The following SH3PXD2A variants were observed in gnomAD, a reference collection of about 807,000 sequenced individuals.
The protein encoded by SH3PXD2A is SH3 and PX domain-containing protein 2A.
SH3PXD2A carries 32 observed loss-of-function variants against 115.2 expected under a neutral mutation model. The observed-to-expected ratio is 0.28, with a 90% CI of 0.21 to 0.37. The LOEUF is 0.37. Among genes scored for constraint, SH3PXD2A ranks in the 10% least tolerant of loss-of-function variants. The pLI is 1.00. For synonymous variants in SH3PXD2A, 610 were observed against 629.1 expected (o/e 0.97, Z 0.45); for missense variants, 1,328 against 1,498.7 (o/e 0.89, Z 1.88).
chr10:103,733,995 G>T (rs1483486379), intron 4 of SH3PXD2A, among the ~76,000 whole-genome samples: 2 of 152,000 alleles, frequency 1.3e-5, no homozygotes, highest in Admixed American at 6.6e-5. Flanking sequence ...GGCCTCAAGT[G>T]CTCCTCCTGC....
At chr10:103,790,947 T>G (rs1391144964) in intron 2 of SH3PXD2A, among the ~76,000 whole-genome samples, 1 of 152,238 alleles carries the variant, frequency 6.6e-6, no homozygotes, top group Non-Finnish European at 1.5e-5. Context: ...GACAAACATG[T>G]ACCTCCCATA....
chr10:103,823,125 AT>A (rs1345026284), intron 1 of SH3PXD2A, among the ~76,000 whole-genome samples: 1 of 152,198 alleles, frequency 6.6e-6, no homozygotes, highest in Non-Finnish European at 1.5e-5. Context: ...GTGTCAAGTT[AT>A]ATGTTCAAAG....
At chr10:103,791,057 G>C (rs1228075852) in intron 2 of SH3PXD2A, among the ~76,000 whole-genome samples, 2 of 152,214 alleles carry the variant, frequency 1.3e-5, no homozygotes, top group Admixed American at 1.3e-4. Context: ...AAGGCTCCTA[G>C]CACTCACACT....
Position 103,702,241 on chromosome 10 carries a change from T to G in SH3PXD2A, c.399-9185A>C, listed in dbSNP as rs867889371. Among the ~76,000 whole-genome samples, 96 of 152,390 alleles carry G rather than the reference T, an allele frequency of 6.3e-4. 1 individual carries two copies. Among genetic ancestry groups the G allele is most frequent in the Middle Eastern group, 6.8e-3 (2 of 294 alleles). On this transcript the variant is annotated intron_variant, in intron 5 of 14. Transcript: ENST00000369774. ...AAGGTCTGTTGTAGACCCAGTCTTGTGTATGAAGTAAGAGAGTGGCAGAAG... is the reference window on the plus strand; with the variant it reads ...AAGGTCTGTTGTAGACCCAGTCTTGGGTATGAAGTAAGAGAGTGGCAGAAG...
At chr10:103,724,443 C>T in intron 4 of SH3PXD2A, 82 bp from the exon 5 acceptor site, 1 of 763,008 alleles carries the variant, frequency 1.3e-6, no homozygotes. Context: ...CTTACACCAA[C>T]AGTGACAGAG....
At chr10:103,737,249 C>A (rs2038391114) in intron 3 of SH3PXD2A, among the ~76,000 whole-genome samples, 1 of 152,158 alleles carries the variant, frequency 6.6e-6, no homozygotes, top group Admixed American at 6.5e-5. Flanking sequence ...TAAAACAATA[C>A]CATTTTCTTT....
intron 1 of SH3PXD2A, among the ~76,000 whole-genome samples, chr10:103,842,818 G>A (rs915329363): frequency 1.3e-5 from 2 of 152,160 alleles, no homozygotes; most frequent in South Asian, 4.1e-4. Flanking sequence ...TGTTCCCAGC[G>A]CTTGACACAT....
chr10:103,605,902 T>C lies in SH3PXD2A; in HGVS notation c.1324A>G (p.Lys442Glu). 6.2e-7 allele frequency: 1 copy of C among 1,614,088 alleles called. No homozygotes were observed. Among genetic ancestry groups the C allele is most frequent in the East Asian group, 2.2e-5 (1 of 44,872 alleles). The part of the protein sequence containing the change: ...RESSLGFQLP[K>E]PPEPPSVEVE... ...TCAACAGAAGGGGGCTCTGGTGGCT[T>C]TGGCAGTTGGAACCCCTAAGGTTAA... The change falls in exon 14 of 15, where the codon AAG becomes GAG. Residue 442 changes from lysine to glutamate, a missense_variant. Around this residue, in one of 5 missense-constraint regions of SH3PXD2A, gnomAD observed 509 missense variants for 628.3 expected, o/e 0.81. Transcript: ENST00000369774.
intron 8 of SH3PXD2A, among the ~76,000 whole-genome samples, chr10:103,636,545 G>T (rs976659171): frequency 6.6e-6 from 1 of 152,136 alleles, no homozygotes. Flanking sequence ...GACTCTCCAG[G>T]AATGGGGGAG....
At chr10:103,824,100 T>C (rs1055024204) in intron 1 of SH3PXD2A, among the ~76,000 whole-genome samples, 1 of 152,178 alleles carries the variant, frequency 6.6e-6, no homozygotes, top group Non-Finnish European at 1.5e-5. Context: ...GTGCCTGACC[T>C]GGCACTCCCC....
At chr10:103,815,698 G>T (rs2039317302) in intron 1 of SH3PXD2A, among the ~76,000 whole-genome samples, 2 of 151,554 alleles carry the variant, frequency 1.3e-5, no homozygotes, top group African/African-American at 4.8e-5. Flanking sequence ...AGACCAGCCT[G>T]ACCAACATGG....
chr10:103,674,099 C>T (rs1174074638), intron 6 of SH3PXD2A, among the ~76,000 whole-genome samples: 3 of 152,206 alleles, frequency 2.0e-5, no homozygotes, highest in African/African-American at 7.2e-5. Flanking sequence ...TTTCCTCTCC[C>T]ATACAACTAA....
rs1047544508 is a variant in SH3PXD2A, at chr10:103,662,440, C to G, written c.473-1326G>C. Among the ~76,000 whole-genome samples, 8 of 130,344 alleles carry G rather than the reference C, an allele frequency of 6.1e-5. No individual in the cohort carries two copies. The South Asian group carries it at 7.0e-4, about 11-fold the overall frequency. The allele number at this position is 130,344 out of a possible 152,430, so 85.5% of individuals were successfully genotyped here. A position where few individuals can be genotyped will look rare whatever the true frequency, so the allele number is the denominator to read the frequency against. Reference sequence around the variant, plus strand: ...CGGAGTCTCGCTCTGTCGCCCAGGCCGGACTGCGGACTGCAGTGGCGCAAT... The same window carrying G: ...CGGAGTCTCGCTCTGTCGCCCAGGCGGGACTGCGGACTGCAGTGGCGCAAT... On this transcript the variant is annotated intron_variant, in intron 7 of 14. Transcript: ENST00000369774.
At chr10:103,775,044 C>G (rs2038864795) in intron 2 of SH3PXD2A, among the ~76,000 whole-genome samples, 1 of 152,148 alleles carries the variant, frequency 6.6e-6, no homozygotes, top group Non-Finnish European at 1.5e-5. Context: ...CCTGAAGGAA[C>G]AGCCAGGGAG....
At position 103,710,378 on chromosome 10, in the gene SH3PXD2A, A is replaced by T. The variant is rs561760439; in HGVS notation, c.398+13892T>A. ...TGACAGAGTGAGACCCCATCTCAAA[A>T]AATAATAATAATTTAAAAAATGTAA... is the stretch of plus-strand genomic sequence containing the variant. On this transcript the variant is annotated intron_variant, in intron 5 of 14. Transcript: ENST00000369774. Among the ~76,000 whole-genome samples the T allele has an allele frequency of 1.4e-4, 21 of 152,328 alleles. No homozygotes were observed. In the South Asian group the frequency reaches 3.5e-3, roughly 26 times the overall value.
intron 3 of SH3PXD2A, among the ~76,000 whole-genome samples, chr10:103,740,458 CGGTACCTAT>C (rs1429444160): frequency 1.3e-5 from 2 of 152,146 alleles, no homozygotes; most frequent in African/African-American, 4.8e-5. Flanking sequence ...CTTGGGAAAG[CGGTACCTAT>C]GGGATGGACT....
chr10:103,623,925 GGT>G (rs2036649935), intron 9 of SH3PXD2A, among the ~76,000 whole-genome samples: 1 of 152,242 alleles, frequency 6.6e-6, no homozygotes, highest in South Asian at 2.1e-4. Flanking sequence ...TTCACAGTAA[GGT>G]GTTGATGTCG....
At chr10:103,732,765 T>C (rs1262005175) in intron 4 of SH3PXD2A, among the ~76,000 whole-genome samples, 2 of 152,204 alleles carry the variant, frequency 1.3e-5, no homozygotes, top group East Asian at 1.9e-4. Flanking sequence ...AGGTGGGCTA[T>C]GCAGGGCACT....
At chr10:103,658,749 T>G (rs1202857824) in intron 8 of SH3PXD2A, among the ~76,000 whole-genome samples, 2 of 152,160 alleles carry the variant, frequency 1.3e-5, no homozygotes, top group East Asian at 3.8e-4. Flanking sequence ...TCAGGGAAAC[T>G]CTTTCTACCC....
Sources: allele counts gnomAD v4.1 joint callset (sites outside exome capture counted in the v4.1 genomes callset), GRCh38; gene constraint gnomAD v4.1.1; regional missense constraint gnomAD v4.1.1; transcripts MANE v1.5; gene names NCBI Gene and HGNC (gene_info 2026-07-23, HGNC 2026-07-21).